Variants in DPP10 observed in about 807,000 individuals in gnomAD.
The protein encoded by DPP10 is inactive dipeptidyl peptidase 10.
DPP10 carries 33 observed loss-of-function variants against 120.9 expected under a neutral mutation model. That is an observed-to-expected ratio of 0.27 (90% CI 0.21 to 0.37). The LOEUF (loss-of-function observed/expected upper bound fraction) is 0.37. DPP10 is among the 10% of genes least tolerant of loss of function. DPP10 has a pLI of 1.00. For synonymous variants in DPP10, 337 were observed against 326.1 expected (o/e 1.03, Z -0.36); for missense variants, 816 against 942.8 (o/e 0.87, Z 1.76).
chr2:114,923,269 C>T (rs577898529), intron 1 of DPP10, among the ~76,000 whole-genome samples: 1 of 150,142 alleles, frequency 6.7e-6, no homozygotes, highest in African/African-American at 2.4e-5. Flanking sequence ...CTGCAAACTC[C>T]ACCTCCCAGG....
chr2:115,734,673 A>T (rs996547251), intron 8 of DPP10, among the ~76,000 whole-genome samples: 25 of 151,352 alleles, frequency 1.7e-4, no homozygotes, highest in Non-Finnish European at 3.4e-4. Flanking sequence ...AAAAAAAAAA[A>T]AAAAAAAAAG....
At chr2:115,272,730 C>T (rs1207868303) in intron 1 of DPP10, among the ~76,000 whole-genome samples, 1 of 152,250 alleles carries the variant, frequency 6.6e-6, no homozygotes. Context: ...CTGCCTCCCA[C>T]TCACACCTCC....
intron 1 of DPP10, among the ~76,000 whole-genome samples, chr2:115,160,238 A>T (rs79825151): frequency 0.013 from 1,966 of 152,326 alleles, 36 homozygotes; most frequent in African/African-American, 0.045. Context: ...GGTCTTTCAC[A>T]ATATGCACTG....
At chr2:115,750,098 GGTC>G in intron 10 of DPP10, 3 of 985,374 alleles carry the variant, frequency 3.0e-6, no homozygotes, top group Non-Finnish European at 3.6e-6. Flanking sequence ...GCTGGCCACT[GGTC>G]GTGGAACACC....
intron 1 of DPP10, among the ~76,000 whole-genome samples, chr2:114,909,182 A>G (rs1173119655): frequency 1.3e-5 from 2 of 151,976 alleles, no homozygotes; most frequent in African/African-American, 4.8e-5. Context: ...CCTATCAGCT[A>G]TGAGAACTTA....
chr2:114,889,758 A>G (rs1692388571), intron 1 of DPP10, among the ~76,000 whole-genome samples: 1 of 152,228 alleles, frequency 6.6e-6, no homozygotes, highest in Admixed American at 6.5e-5. Context: ...TCACAATAGT[A>G]CTTTAAGACA....
At chr2:114,520,950 A>G (rs560118296) in intron 1 of DPP10, among the ~76,000 whole-genome samples, 1 of 152,266 alleles carries the variant, frequency 6.6e-6, no homozygotes, top group Admixed American at 6.5e-5. Context: ...GCTTCTCCAG[A>G]TCATACTTGC....
intron 1 of DPP10, among the ~76,000 whole-genome samples, chr2:114,563,693 G>A (rs1688951419): frequency 6.6e-6 from 1 of 152,120 alleles, no homozygotes; most frequent in Non-Finnish European, 1.5e-5. Context: ...GAGATGAAGT[G>A]GTTTTTCTTA....
At chr2:114,812,153 A>G (rs1685230972) in intron 1 of DPP10, among the ~76,000 whole-genome samples, 1 of 152,228 alleles carries the variant, frequency 6.6e-6, no homozygotes, top group Admixed American at 6.5e-5. Flanking sequence ...TTATAGAGAA[A>G]CATGTAAATT....
intron 3 of DPP10, among the ~76,000 whole-genome samples, chr2:115,434,565 TGTG>T (rs1278214281): frequency 2.6e-5 from 4 of 151,910 alleles, no homozygotes; most frequent in Non-Finnish European, 4.4e-5. Flanking sequence ...TGATCCATAA[TGTG>T]GTACATATTT....
At chr2:114,673,408 A>T (rs1317938239) in intron 1 of DPP10, among the ~76,000 whole-genome samples, 2 of 151,994 alleles carry the variant, frequency 1.3e-5, no homozygotes, top group Non-Finnish European at 2.9e-5. Context: ...TTTAGTGGCT[A>T]TTTTTATTAC....
At chr2:114,878,663 T>C (rs1009647540) in intron 1 of DPP10, among the ~76,000 whole-genome samples, 2 of 152,104 alleles carry the variant, frequency 1.3e-5, no homozygotes, top group African/African-American at 4.8e-5. Context: ...AGTTGCCATA[T>C]ATGAGTGAGA....
At chr2:115,334,701 G>C (rs2106199574) in intron 2 of DPP10, among the ~76,000 whole-genome samples, 1 of 151,964 alleles carries the variant, frequency 6.6e-6, no homozygotes, top group South Asian at 2.1e-4. Flanking sequence ...TATTTCAAGA[G>C]AATGAAAAAT....
At position 114,852,151 on chromosome 2, in the gene DPP10, C is replaced by CTTTTTTTTTTTTTTTT. The variant is rs34580352; in HGVS notation, c.60+409323_60+409338dup. Among the ~76,000 whole-genome samples, 2 of 53,728 alleles carry CTTTTTTTTTTTTTTTT rather than the reference C, an allele frequency of 3.7e-5. 1 individual carries two copies. Among genetic ancestry groups the CTTTTTTTTTTTTTTTT allele is most frequent in the African/African-American group, 1.7e-4 (2 of 11,776 alleles). The allele number at this position is 53,728 out of a possible 152,430, so 35.2% of individuals were successfully genotyped here. ...GGGAAATTTTTATAGCGATTGCATCCTTTTTTTTTTTTTTTTTTTTTTTTT... is the reference window on the plus strand; with the variant it reads ...GGGAAATTTTTATAGCGATTGCATCCTTTTTTTTTTTTTTTTTTTTTTTTTTTTTTTTTTTTTTTTT... On this transcript the variant is annotated intron_variant, in intron 1 of 25. Transcript: ENST00000410059.
rs901761220 is a variant in DPP10 at position 115,117,887 on chromosome 2, T to G, written c.61-191352T>G. Among the ~76,000 whole-genome samples the G allele has an allele frequency of 1.3e-5, 2 of 152,294 alleles. 1 individual carries two copies. The highest frequency in any genetic ancestry group is 1.3e-4 in the Admixed American group (2 of 15,284). The stretch of plus-strand genomic sequence containing the variant: ...TGTGTATTGATTGCCTCAGACACCT[T>G]CAGAGTAATCATATTGTGGAGAGCA... On this transcript the variant is annotated intron_variant, in intron 1 of 25. Transcript: ENST00000410059.
At chr2:115,411,749 A>G (rs1302639807) in intron 3 of DPP10, among the ~76,000 whole-genome samples, 1 of 152,188 alleles carries the variant, frequency 6.6e-6, no homozygotes, top group Non-Finnish European at 1.5e-5. Context: ...CCTGGAATGA[A>G]AAGTTATTTG....
intron 3 of DPP10, among the ~76,000 whole-genome samples, chr2:115,476,708 C>G (rs2075108700): frequency 6.6e-6 from 1 of 152,106 alleles, no homozygotes; most frequent in Non-Finnish European, 1.5e-5. Flanking sequence ...GAATGACATT[C>G]AGTATGAAAT....
chr2:114,940,003 T>C (rs1438582547), intron 1 of DPP10, among the ~76,000 whole-genome samples: 1 of 152,146 alleles, frequency 6.6e-6, no homozygotes, highest in East Asian at 1.9e-4. Flanking sequence ...CTAATTGCTA[T>C]CCATAGTAAG....
At chr2:114,714,103 GTGTT>G (rs1701205553) in intron 1 of DPP10, among the ~76,000 whole-genome samples, 1 of 143,154 alleles carries the variant, frequency 7.0e-6, no homozygotes, top group Admixed American at 7.1e-5. Context: ...GTGTGTGTGT[GTGTT>G]TGCGCGTGCG....
Sources: allele counts gnomAD v4.1 joint callset (sites outside exome capture counted in the v4.1 genomes callset), GRCh38; gene constraint gnomAD v4.1.1; transcripts MANE v1.5; gene names NCBI Gene and HGNC (gene_info 2026-07-23, HGNC 2026-07-21).